SLC35F1: variants seen among roughly 807,000 people sequenced by gnomAD.
The protein encoded by SLC35F1 is chromosome 6 open reading frame 169.
A neutral mutation model predicts 48.7 loss-of-function variants in SLC35F1; 14 were observed. The ratio of observed to expected loss-of-function variants is 0.29; its 90% CI spans 0.19 to 0.45. The LOEUF is 0.45. Ranked by LOEUF, SLC35F1 falls within the 20% of genes least tolerant of loss-of-function variation. The pLI is 1.00. For synonymous variants in SLC35F1, 190 were observed against 202.2 expected (o/e 0.94, Z 0.51); for missense variants, 404 against 500.0 (o/e 0.81, Z 1.83).
chr6:118,166,039 A>G (rs1774312600), intron 2 of SLC35F1, among the ~76,000 whole-genome samples: 2 of 152,218 alleles, frequency 1.3e-5, no homozygotes, highest in South Asian at 4.1e-4. Flanking sequence ...GACAAGAACT[A>G]TCCTTAGATG....
chr6:118,052,719 G>A (rs1360150640), intron 1 of SLC35F1, among the ~76,000 whole-genome samples: 2 of 151,998 alleles, frequency 1.3e-5, no homozygotes, highest in East Asian at 1.9e-4. Context: ...TAAGAGAAAA[G>A]CTGTTTATTT....
At chr6:118,201,287 G>C (rs904505275) in intron 2 of SLC35F1, among the ~76,000 whole-genome samples, 1 of 152,174 alleles carries the variant, frequency 6.6e-6, no homozygotes, top group Non-Finnish European at 1.5e-5. Context: ...CCAATTGTAA[G>C]GGGGGCTAAG....
chr6:118,039,214 G>T (rs1772175805), intron 1 of SLC35F1, among the ~76,000 whole-genome samples: 1 of 152,030 alleles, frequency 6.6e-6, no homozygotes, highest in Admixed American at 6.5e-5. Context: ...TTTCTGATGA[G>T]AATTCTGTGA....
intron 3 of SLC35F1, among the ~76,000 whole-genome samples, chr6:118,263,765 G>A (rs1480539605): frequency 2.0e-5 from 3 of 152,048 alleles, no homozygotes; most frequent in African/African-American, 7.2e-5. Context: ...CTTAGCCAAG[G>A]AATTAAGCTA....
At chr6:118,035,375 G>A (rs1312437410) in intron 1 of SLC35F1, among the ~76,000 whole-genome samples, 1 of 151,780 alleles carries the variant, frequency 6.6e-6, no homozygotes, top group Non-Finnish European at 1.5e-5. Flanking sequence ...GAGATGCCAA[G>A]GTGAGCAGAT....
chr6:118,008,789 G>C (rs1284603145), intron 1 of SLC35F1, among the ~76,000 whole-genome samples: 2 of 152,178 alleles, frequency 1.3e-5, no homozygotes, highest in Non-Finnish European at 2.9e-5. Context: ...TCTATCCATT[G>C]CTTTGGGGAA....
At chr6:118,047,345 C>G (rs762043357) in intron 1 of SLC35F1, among the ~76,000 whole-genome samples, 1 of 152,134 alleles carries the variant, frequency 6.6e-6, no homozygotes, top group Non-Finnish European at 1.5e-5. Context: ...TTAGGGCATT[C>G]CCGTCACAAA....
intron 1 of SLC35F1, among the ~76,000 whole-genome samples, chr6:118,003,165 A>G (rs551779094): frequency 6.6e-6 from 1 of 152,218 alleles, no homozygotes; most frequent in Non-Finnish European, 1.5e-5. Flanking sequence ...ATCTCAGGAT[A>G]AAATAGTTCA....
intron 1 of SLC35F1, among the ~76,000 whole-genome samples, chr6:118,097,058 C>T (rs1191763688): frequency 6.6e-6 from 1 of 152,044 alleles, no homozygotes; most frequent in East Asian, 1.9e-4. Flanking sequence ...TTTTATTTTC[C>T]TTTGCTGTTT....
intron 1 of SLC35F1, among the ~76,000 whole-genome samples, chr6:117,950,554 C>T (rs1776351052): frequency 1.3e-5 from 2 of 152,128 alleles, no homozygotes; most frequent in South Asian, 4.1e-4. Flanking sequence ...AAATCTGTGC[C>T]TTCAAGGGGC....
intron 7 of SLC35F1, among the ~76,000 whole-genome samples, chr6:118,312,985 G>A (rs1241198133): frequency 1.3e-5 from 2 of 152,170 alleles, no homozygotes; most frequent in African/African-American, 4.8e-5. Context: ...TGACTGAAAT[G>A]AGATTTGGCA....
chr6:117,993,449 C>T (rs75835211), intron 1 of SLC35F1, among the ~76,000 whole-genome samples: 2,718 of 152,144 alleles, frequency 0.018, 32 homozygotes, highest in East Asian at 0.032. Context: ...TGTAAATATT[C>T]GTTCATTTAA....
intron 1 of SLC35F1, among the ~76,000 whole-genome samples, chr6:117,946,153 C>T (rs1776292303): frequency 6.6e-6 from 1 of 152,160 alleles, no homozygotes; most frequent in African/African-American, 2.4e-5. Context: ...CACCTAGCTT[C>T]CAAGTCCTGA....
intron 7 of SLC35F1, among the ~76,000 whole-genome samples, chr6:118,288,731 C>T (rs1480406302): frequency 6.6e-6 from 1 of 152,124 alleles, no homozygotes; most frequent in East Asian, 1.9e-4. Context: ...CCCATCATGC[C>T]CTGAACTAGA....
rs189545159 is a variant in SLC35F1 at position 118,001,251 on chromosome 6, G to C, written c.173+93352G>C. Among the ~76,000 whole-genome samples, 100 of 152,272 alleles carry C rather than the reference G, an allele frequency of 6.6e-4. 1 individual carries two copies. Among genetic ancestry groups the C allele is most frequent in the Non-Finnish European group, 1.3e-3 (89 of 68,018 alleles). Reference sequence around the variant, plus strand: ...AGCATGGTACTTGTTTCAAAATAGAGATATAGATCAATGGAACAGAGCAGA... The same window carrying C: ...AGCATGGTACTTGTTTCAAAATAGACATATAGATCAATGGAACAGAGCAGA... On this transcript the variant is annotated intron_variant, in intron 1 of 7. Transcript: ENST00000360388.
chr6:117,963,667 T>A (rs1243913831), intron 1 of SLC35F1, among the ~76,000 whole-genome samples: 1 of 152,222 alleles, frequency 6.6e-6, no homozygotes, highest in Non-Finnish European at 1.5e-5. Flanking sequence ...ATACTTTATG[T>A]ATTTTTAGTG....
chr6:118,136,577 TCTC>T (rs1171253725), intron 1 of SLC35F1, among the ~76,000 whole-genome samples: 1 of 152,198 alleles, frequency 6.6e-6, no homozygotes, highest in Non-Finnish European at 1.5e-5. Context: ...CATTAACGCA[TCTC>T]CTTCTGCCCC....
chr6:118,058,400 T>G (rs986705817), intron 1 of SLC35F1, among the ~76,000 whole-genome samples: 4 of 152,216 alleles, frequency 2.6e-5, no homozygotes, highest in Non-Finnish European at 5.9e-5. Context: ...ATCTTATTTC[T>G]GTCTTATTTC....
At chr6:118,293,084 A>G (rs2114650569) in intron 7 of SLC35F1, among the ~76,000 whole-genome samples, 1 of 152,252 alleles carries the variant, frequency 6.6e-6, no homozygotes, top group Middle Eastern at 3.4e-3. Flanking sequence ...CTGGCTTTTC[A>G]AGGTCAGAGC....
Sources: gnomAD v4.1 joint callset for allele counts (sites outside exome capture counted in the v4.1 genomes callset) on GRCh38, gnomAD v4.1.1 for gene constraint, MANE v1.5 for transcripts, NCBI Gene and HGNC (gene_info 2026-07-23, HGNC 2026-07-21) for gene names.